Variants in CBX1 observed in about 807,000 individuals in gnomAD.
The protein encoded by CBX1 is chromobox 1.
CBX1 carries 10 observed loss-of-function variants against 25.1 expected under a neutral mutation model. The observed-to-expected ratio is 0.40, with a 90% CI of 0.25 to 0.68. CBX1 has a LOEUF of 0.68. CBX1 is among the 30% of genes least tolerant of loss of function. CBX1 has a pLI of 0.40. For missense variants in CBX1, 106 were observed against 218.5 expected (o/e 0.49, Z 3.25); for synonymous variants, 63 against 79.4 (o/e 0.79, Z 1.10).
At chr17:48,073,824 CAA>C (rs60857566) in intron 4 of CBX1, among the ~76,000 whole-genome samples, 17,549 of 82,606 alleles carry the variant, frequency 0.21, 1,350 homozygotes, top group Non-Finnish European at 0.25. Context: ...GAGACTGTCT[CAA>C]AAAAAAAAAA....
chr17:48,082,385 C>T (rs1433604234), intron 1 of CBX1, among the ~76,000 whole-genome samples: 1 of 150,474 alleles, frequency 6.6e-6, no homozygotes, highest in Admixed American at 6.7e-5. Context: ...ACCTGTAATC[C>T]CAGCCACTCG....
At chr17:48,098,866 A>G (rs182161559) in intron 1 of CBX1, among the ~76,000 whole-genome samples, 63 of 152,320 alleles carry the variant, frequency 4.1e-4, no homozygotes, top group Admixed American at 3.9e-3. Context: ...ATAAACCACT[A>G]GAGGATGCCA....
intron 1 of CBX1, among the ~76,000 whole-genome samples, chr17:48,094,092 C>A (rs1280616596): frequency 1.1e-5 from 1 of 95,192 alleles, no homozygotes; most frequent in Non-Finnish European, 1.9e-5. Flanking sequence ...CCAGCCTGGG[C>A]ATCAAGAGTG....
At chr17:48,101,221 C>T in intron 1 of CBX1, 47 bp downstream of exon 1, 1 of 990,304 alleles carries the variant, frequency 1.0e-6, no homozygotes, top group Non-Finnish European at 1.2e-6. Context: ...CCGCCGCCGC[C>T]GCCGCGCCCC....
chr17:48,084,039 C>T (rs139829361), intron 1 of CBX1, among the ~76,000 whole-genome samples: 3 of 149,922 alleles, frequency 2.0e-5, no homozygotes, highest in East Asian at 1.9e-4. Context: ...TTGCCCAGTA[C>T]GGTGGCCTGA....
chr17:48,086,323 G>C (rs1227359762), intron 1 of CBX1, among the ~76,000 whole-genome samples: 2 of 152,178 alleles, frequency 1.3e-5, no homozygotes, highest in Admixed American at 1.3e-4. Context: ...TTTCATTTTG[G>C]TTTGAAATAG....
chr17:48,084,832 C>T (rs963910464), intron 1 of CBX1, among the ~76,000 whole-genome samples: 1 of 150,276 alleles, frequency 6.7e-6, no homozygotes, highest in Non-Finnish European at 1.5e-5. Context: ...ATGGTGTGAA[C>T]CCAGGAGACG....
At chr17:48,080,952 ATATATATATATATAT>A (rs1456065468) in intron 1 of CBX1, among the ~76,000 whole-genome samples, 46 of 8,952 alleles carry the variant, frequency 5.1e-3, no homozygotes, top group Admixed American at 7.8e-3. Context: ...AAAAAAAAAA[ATATATATATATATAT>A]ATATATATAT....
chr17:48,083,025 C>T (rs2037754106), intron 1 of CBX1, among the ~76,000 whole-genome samples: 1 of 149,472 alleles, frequency 6.7e-6, no homozygotes, highest in South Asian at 2.1e-4. Flanking sequence ...CACCACCATG[C>T]CCAGCTAATT....
At chr17:48,077,906 C>T (rs1267664565) in intron 1 of CBX1, among the ~76,000 whole-genome samples, 5 of 152,002 alleles carry the variant, frequency 3.3e-5, no homozygotes, top group Admixed American at 2.0e-4. Context: ...ATAATTCTAG[C>T]ACTTTGGGAG....
intron 1 of CBX1, among the ~76,000 whole-genome samples, chr17:48,086,192 G>A (rs1489967639): frequency 6.6e-6 from 1 of 152,226 alleles, no homozygotes; most frequent in Non-Finnish European, 1.5e-5. Context: ...AAGAGAAAGA[G>A]TACTGTTGTG....
intron 1 of CBX1, chr17:48,088,753 A>G (rs1453085514): frequency 6.6e-6 from 1 of 152,126 alleles, no homozygotes; most frequent in South Asian, 2.1e-4. Context: ...GTATCGTTCC[A>G]ATTTTAGTAC....
At chr17:48,098,775 T>C (rs923824388) in intron 1 of CBX1, among the ~76,000 whole-genome samples, 8 of 152,178 alleles carry the variant, frequency 5.3e-5, no homozygotes, top group African/African-American at 1.9e-4. Context: ...ACCTATGAAG[T>C]GAAAATCTAC....
Position 48,101,427 on chromosome 17 carries a change from C to T in CBX1, c.-197G>A, listed in dbSNP as rs1198402421. The T allele has an allele frequency of 1.1e-5, 11 of 985,544 alleles. No individual in the cohort carries two copies. Among genetic ancestry groups the T allele is most frequent in the Non-Finnish European group, 1.3e-5 (11 of 829,990 alleles). The allele number at this position is 985,544 out of a possible 1,614,324, so 61.0% of individuals were successfully genotyped here. ...GTACCGCAGGCCCCGGCCAACGGCC[C>T]TCCCCTCAGCCGAACAAAAGAGCCT... On this transcript the variant is annotated 5_prime_UTR_variant, in exon 1 of 5. Coordinates refer to ENST00000225603, the MANE Select transcript of CBX1 (RefSeq NM_001127228.2).
intron 1 of CBX1, chr17:48,100,866 T>C (rs2063405473): frequency 1.0e-6 from 1 of 985,648 alleles, no homozygotes; most frequent in Non-Finnish European, 1.2e-6. Flanking sequence ...CCGAATACAG[T>C]TACAAACCTC....
intron 1 of CBX1, among the ~76,000 whole-genome samples, chr17:48,098,750 C>T (rs1023399838): frequency 6.6e-6 from 1 of 152,194 alleles, no homozygotes; most frequent in African/African-American, 2.4e-5. Context: ...ACACCAGAAA[C>T]TCTTCGTGGA....
chr17:48,079,449 C>T (rs2037710794), intron 1 of CBX1, among the ~76,000 whole-genome samples: 1 of 152,164 alleles, frequency 6.6e-6, no homozygotes, highest in Admixed American at 6.5e-5. Flanking sequence ...ATTGAACTTA[C>T]GATTCACAAA....
At chr17:48,089,944 G>A (rs1388241899) in intron 1 of CBX1, among the ~76,000 whole-genome samples, 1 of 149,774 alleles carries the variant, frequency 6.7e-6, no homozygotes, top group Non-Finnish European at 1.5e-5. Context: ...TTTTTGAGAT[G>A]GAGTCTGGCT....
intron 1 of CBX1, among the ~76,000 whole-genome samples, chr17:48,087,808 G>C (rs748498429): frequency 2.7e-4 from 40 of 145,546 alleles, no homozygotes; most frequent in Non-Finnish European, 4.8e-4. Context: ...GGAATCAGAG[G>C]TTGCAGTGAG....
Sources: allele counts gnomAD v4.1 joint callset (sites outside exome capture counted in the v4.1 genomes callset), GRCh38; gene constraint gnomAD v4.1.1; transcripts MANE v1.5; gene names NCBI Gene and HGNC (gene_info 2026-07-23, HGNC 2026-07-21).